SUFU: variants seen among roughly 807,000 people sequenced by gnomAD.
The protein encoded by SUFU is SUFU negative regulator of hedgehog signaling, also known as suppressor of fused homolog.
Under a neutral mutation model 58.9 loss-of-function variants are expected in SUFU, and 7 were observed. The observed-to-expected ratio is 0.12, with a 90% CI of 0.07 to 0.22. The LOEUF (loss-of-function observed/expected upper bound fraction) is 0.22, where lower values mean the gene tolerates loss of function less well. Ranked by LOEUF, SUFU falls within the 10% of genes least tolerant of loss-of-function variation. SUFU has a pLI of 1.00. For missense variants in SUFU, 451 were observed against 641.3 expected (o/e 0.70, Z 3.20); for synonymous variants, 232 against 254.8 (o/e 0.91, Z 0.85).
intron 9 of SUFU, among the ~76,000 whole-genome samples, chr10:102,615,774 C>G (rs1227444363): frequency 2.0e-5 from 3 of 152,196 alleles, no homozygotes; most frequent in Non-Finnish European, 4.4e-5. Flanking sequence ...GAGCGGGGCT[C>G]TCTTATCTGC....
Position 102,594,085 on chromosome 10 carries a change from A to C in SUFU, c.756+20A>C. On this transcript the variant is annotated intron_variant, in intron 6 of 11. Coordinates refer to ENST00000369902, the MANE Select transcript of SUFU (RefSeq NM_016169.4). ...CTGCAAGTATGTCTTGAGTGAGGAA[A>C]ACCTTTCTAGCACCCTGTGCCTAGG... 2 of 1,613,256 alleles carry C rather than the reference A, an allele frequency of 1.2e-6. No homozygotes were observed. The highest frequency in any genetic ancestry group is 8.5e-7 in the Non-Finnish European group (1 of 1,179,328).
intron 2 of SUFU, among the ~76,000 whole-genome samples, chr10:102,523,458 C>T (rs1263619130): frequency 6.6e-6 from 1 of 152,120 alleles, no homozygotes; most frequent in African/African-American, 2.4e-5. Flanking sequence ...GCTACCAGTC[C>T]CAGGGGGGTC....
intron 2 of SUFU, among the ~76,000 whole-genome samples, chr10:102,521,156 T>C (rs750703988): frequency 6.6e-5 from 10 of 152,238 alleles, no homozygotes; most frequent in Admixed American, 1.3e-4. Context: ...TTTTTGGATT[T>C]TAGCCATTCC....
At chr10:102,572,470 A>G (rs2063172370) in intron 3 of SUFU, among the ~76,000 whole-genome samples, 1 of 146,218 alleles carries the variant, frequency 6.8e-6, no homozygotes, top group Admixed American at 6.9e-5. Context: ...GCTCACTACA[A>G]CCTCTGCCAC....
chr10:102,605,714 T>G (rs1469148164), intron 8 of SUFU, among the ~76,000 whole-genome samples: 1 of 129,596 alleles, frequency 7.7e-6, no homozygotes, highest in African/African-American at 2.8e-5. Flanking sequence ...AAGGGAGACC[T>G]GCAGGTGGTT....
At chr10:102,548,557 C>T (rs948120269) in intron 2 of SUFU, among the ~76,000 whole-genome samples, 5 of 152,248 alleles carry the variant, frequency 3.3e-5, no homozygotes, top group African/African-American at 1.2e-4. Flanking sequence ...TGTATGCTGA[C>T]GAGTTTACAG....
intron 3 of SUFU, among the ~76,000 whole-genome samples, chr10:102,582,666 A>G (rs1216821070): frequency 2.0e-5 from 3 of 152,082 alleles, no homozygotes; most frequent in African/African-American, 7.2e-5. Flanking sequence ...AACTGTAACT[A>G]GCATTTTTGG....
intron 3 of SUFU, among the ~76,000 whole-genome samples, chr10:102,568,676 C>T (rs1212279718): frequency 6.6e-6 from 1 of 151,356 alleles, no homozygotes; most frequent in Non-Finnish European, 1.5e-5. Flanking sequence ...GAGTTCAAGA[C>T]CAGCTTGGCC....
chr10:102,588,379 C>G lies in SUFU; in HGVS notation c.455-4203C>G, dbSNP rs914565998. ...CTACACTCCAGCCTGGGCGACAGAG[C>G]AAGACTCTGTCTCAAAAAAAAAAAA... On this transcript the variant is annotated intron_variant, in intron 3 of 11. Transcript: ENST00000369902. 5.0e-5 allele frequency among the ~76,000 whole-genome samples: 7 copies of G among 139,808 alleles called. No homozygotes were observed. In the South Asian group the frequency reaches 9.0e-4, roughly 18 times the overall value. 91.7% of individuals were successfully genotyped at this position (139,808 alleles called of 152,430 possible).
At chr10:102,548,755 C>G (rs954971557) in intron 2 of SUFU, among the ~76,000 whole-genome samples, 1 of 152,176 alleles carries the variant, frequency 6.6e-6, no homozygotes, top group Non-Finnish European at 1.5e-5. Flanking sequence ...TCACTGCCCT[C>G]TCTGATGGAA....
chr10:102,613,669 A>G (rs757972278), intron 8 of SUFU, among the ~76,000 whole-genome samples: 77 of 152,246 alleles, frequency 5.1e-4, no homozygotes, highest in Non-Finnish European at 9.8e-4. Flanking sequence ...CACTTGGGGA[A>G]TTGTTCTGAG....
Position 102,630,532 on chromosome 10 carries a change from A to AATGATAC in SUFU, c.*377_*378insATGATAC. ...CCTGCCGCACAGCCCAGCAGGAGGG[A>AATGATAC]GGCGGACAGCCAGATGCAGAGCGAG... is the stretch of plus-strand genomic sequence containing the variant. On this transcript the variant is annotated 3_prime_UTR_variant, in exon 12 of 12. Transcript: ENST00000369902. The AATGATAC allele has an allele frequency of 2.4e-6, 1 of 416,990 alleles. No homozygotes were observed. Among genetic ancestry groups the AATGATAC allele is most frequent in the Non-Finnish European group, 4.5e-6 (1 of 221,536 alleles). The allele number at this position is 416,990 out of a possible 1,614,324, so 25.8% of individuals were successfully genotyped here.
rs529518005 is a variant in SUFU, at chr10:102,506,915, G to A, written c.183-2254G>A. On this transcript the variant is annotated intron_variant, in intron 1 of 11. Coordinates refer to ENST00000369902, the MANE Select transcript of SUFU (RefSeq NM_016169.4). ...ATTCTAACTGAAAGCTGAGACTTTG[G>A]TGAGCAAGGATCAAAGCAGAGAGGC... is the stretch of plus-strand genomic sequence containing the variant. Among the ~76,000 whole-genome samples, 24 of 152,274 alleles carry A rather than the reference G, an allele frequency of 1.6e-4. 1 individual carries two copies. The South Asian group carries it at 5.0e-3, about 32-fold the overall frequency.
chr10:102,568,937 T>C (rs71496542), intron 3 of SUFU, among the ~76,000 whole-genome samples: 2,989 of 31,690 alleles, frequency 0.094, 148 homozygotes, highest in Non-Finnish European at 0.13. Flanking sequence ...TATATATATA[T>C]ATATATATAT....
chr10:102,551,337 C>T (rs1464819505), intron 3 of SUFU, among the ~76,000 whole-genome samples: 1 of 152,096 alleles, frequency 6.6e-6, no homozygotes, highest in Admixed American at 6.5e-5. Flanking sequence ...TTGAGTTGGC[C>T]AGAAGTGGGA....
rs1270987755 is a variant in SUFU, at chr10:102,628,921, C to T, written c.1366-1145C>T. On this transcript the variant is annotated intron_variant, in intron 11 of 11. Transcript: ENST00000369902. The surrounding 1 kb of genome is among the most constrained non-coding windows in gnomAD (Gnocchi z 4.5). ...CTGTAATCCCAGCACTTTGGGAGGC[C>T]GAGGCAGGTGGATCACCTGAGGTCG... 6.6e-6 allele frequency among the ~76,000 whole-genome samples: 1 copy of T among 152,080 alleles called. No homozygotes were observed. The highest frequency in any genetic ancestry group is 2.4e-5 in the African/African-American group (1 of 41,424).
chr10:102,541,279 C>T (rs867394998), intron 2 of SUFU, among the ~76,000 whole-genome samples: 5 of 152,186 alleles, frequency 3.3e-5, no homozygotes, highest in South Asian at 2.1e-4. Flanking sequence ...TGCTTTCTAC[C>T]GCCTTCCCAC....
intron 3 of SUFU, among the ~76,000 whole-genome samples, chr10:102,587,708 G>C (rs2063348798): frequency 6.6e-6 from 1 of 152,098 alleles, no homozygotes; most frequent in Admixed American, 6.6e-5. Flanking sequence ...TGGCCAGGCT[G>C]GTCTTGAACT....
chr10:102,510,025 G>A (rs2062380619), intron 2 of SUFU, among the ~76,000 whole-genome samples: 1 of 151,774 alleles, frequency 6.6e-6, no homozygotes, highest in African/African-American at 2.4e-5. Flanking sequence ...TTTTTTTGTA[G>A]AGACAGGGTT....
Sources: gnomAD v4.1 joint callset for allele counts (sites outside exome capture counted in the v4.1 genomes callset) on GRCh38, gnomAD v4.1.1 for gene constraint, Gnocchi (gnomAD v3.1) non-coding constraint, MANE v1.5 for transcripts, NCBI Gene and HGNC (gene_info 2026-07-23, HGNC 2026-07-21) for gene names.